Variants in FYN observed in about 807,000 individuals in gnomAD.
FYN encodes tyrosine-protein kinase Fyn.
A neutral mutation model predicts 70.2 loss-of-function variants in FYN; 10 were observed. That is an observed-to-expected ratio of 0.14 (90% CI 0.09 to 0.24). FYN has a LOEUF of 0.24. FYN is among the 10% of genes least tolerant of loss of function. FYN has a pLI of 1.00. For synonymous variants in FYN, 236 were observed against 248.6 expected (o/e 0.95, Z 0.48); for missense variants, 319 against 673.1 (o/e 0.47, Z 5.82).
chr6:111,722,178 T>C (rs1192865531), intron 3 of FYN, among the ~76,000 whole-genome samples: 1 of 152,198 alleles, frequency 6.6e-6, no homozygotes, highest in African/African-American at 2.4e-5. Context: ...AAATACTTAT[T>C]GAATTGAATG....
At chr6:111,720,514 T>C (rs1800881536) in intron 3 of FYN, among the ~76,000 whole-genome samples, 1 of 152,182 alleles carries the variant, frequency 6.6e-6, no homozygotes, top group African/African-American at 2.4e-5. Flanking sequence ...ACAGGAGTGT[T>C]GGATAAGCCA....
At chr6:111,678,370 T>A (rs1562465750) in intron 12 of FYN, among the ~76,000 whole-genome samples, 2 of 152,184 alleles carry the variant, frequency 1.3e-5, no homozygotes, top group Non-Finnish European at 2.9e-5. Context: ...ATAAGACCAG[T>A]TAGCCTTAGG....
At chr6:111,702,466 G>A (rs967476794) in intron 8 of FYN, 2 of 155,970 alleles carry the variant, frequency 1.3e-5, no homozygotes, top group African/African-American at 4.8e-5. Flanking sequence ...TGTACGTGCA[G>A]CTATTCCTGC....
chr6:111,662,455 AAAAC>A (rs1168150232), intron 13 of FYN, among the ~76,000 whole-genome samples: 1 of 152,202 alleles, frequency 6.6e-6, no homozygotes, highest in Non-Finnish European at 1.5e-5. Flanking sequence ...AAAAACGTAC[AAAAC>A]AAACACAGGT....
chr6:111,667,401 C>G (rs1444620423), intron 13 of FYN, among the ~76,000 whole-genome samples: 1 of 152,020 alleles, frequency 6.6e-6, no homozygotes, highest in Non-Finnish European at 1.5e-5. Flanking sequence ...ACCACCATGC[C>G]TGGCTGATTT....
chr6:111,784,503 T>C (rs1333573708), intron 2 of FYN, among the ~76,000 whole-genome samples: 3 of 152,192 alleles, frequency 2.0e-5, no homozygotes, highest in Admixed American at 2.0e-4. Flanking sequence ...TTTGCACATT[T>C]CCAACAGCTT....
chr6:111,730,877 T>C (rs1801417408), intron 3 of FYN, among the ~76,000 whole-genome samples: 1 of 152,156 alleles, frequency 6.6e-6, no homozygotes, highest in Admixed American at 6.5e-5. Context: ...AAACGTGGGC[T>C]TCTATTCATG....
At chr6:111,827,234 A>G (rs1032706170) in intron 2 of FYN, among the ~76,000 whole-genome samples, 1 of 152,356 alleles carries the variant, frequency 6.6e-6, no homozygotes, top group East Asian at 1.9e-4. Flanking sequence ...CAGAGAGCTT[A>G]TGAAATTCTC....
chr6:111,734,285 G>C (rs1801604422), intron 3 of FYN, among the ~76,000 whole-genome samples: 1 of 152,152 alleles, frequency 6.6e-6, no homozygotes, highest in African/African-American at 2.4e-5. Context: ...GGAATGACCT[G>C]ACCAAGTGCT....
intron 13 of FYN, among the ~76,000 whole-genome samples, chr6:111,664,198 T>C (rs1797894476): frequency 6.6e-6 from 1 of 152,212 alleles, no homozygotes; most frequent in African/African-American, 2.4e-5. Flanking sequence ...ATTTCAGCAA[T>C]GACAGAGCTT....
intron 2 of FYN, among the ~76,000 whole-genome samples, chr6:111,841,578 C>G (rs571021144): frequency 9.2e-5 from 14 of 152,300 alleles, no homozygotes; most frequent in African/African-American, 3.4e-4. Flanking sequence ...AATAAGATAA[C>G]ATGTGGCCTA....
chr6:111,761,969 G>A (rs888587289), intron 3 of FYN, among the ~76,000 whole-genome samples: 1 of 152,182 alleles, frequency 6.6e-6, no homozygotes, highest in African/African-American at 2.4e-5. Context: ...TTACATCATG[G>A]AGGAGTGTGG....
intron 2 of FYN, among the ~76,000 whole-genome samples, chr6:111,839,983 C>A (rs1196916426): frequency 2.0e-5 from 3 of 152,216 alleles, no homozygotes; most frequent in Non-Finnish European, 2.9e-5. Context: ...CATAATTCCT[C>A]TTCTTTACAT....
intron 2 of FYN, among the ~76,000 whole-genome samples, chr6:111,796,730 T>C (rs1224655148): frequency 6.6e-6 from 1 of 152,198 alleles, no homozygotes; most frequent in African/African-American, 2.4e-5. Flanking sequence ...TAAGAAACCT[T>C]AATGATGTAA....
intron 12 of FYN, among the ~76,000 whole-genome samples, chr6:111,690,726 T>C (rs192814914): frequency 1.3e-5 from 2 of 152,346 alleles, no homozygotes; most frequent in African/African-American, 2.4e-5. Flanking sequence ...CAAAAATGCA[T>C]ACAGCAGACA....
At chr6:111,717,199 C>CAA (rs1293648766) in intron 4 of FYN, among the ~76,000 whole-genome samples, 1 of 151,774 alleles carries the variant, frequency 6.6e-6, no homozygotes, top group Non-Finnish European at 1.5e-5. Flanking sequence ...TGTTAAACGT[C>CAA]AAAAGACATT....
intron 1 of FYN, 41 bp downstream of exon 1, chr6:111,872,927 T>A (rs1054547815): frequency 6.7e-6 from 1 of 148,888 alleles, no homozygotes; most frequent in African/African-American, 2.5e-5. Context: ...CTCCGCAGCA[T>A]CCCCGAGGCC....
chr6:111,824,931 G>C (rs1772784845), intron 2 of FYN, among the ~76,000 whole-genome samples: 1 of 152,164 alleles, frequency 6.6e-6, no homozygotes, highest in South Asian at 2.1e-4. Context: ...GGTGATTAAG[G>C]AATTGTTTAA....
chr6:111,728,549 T>C (rs1238238273), intron 3 of FYN, among the ~76,000 whole-genome samples: 1 of 152,208 alleles, frequency 6.6e-6, no homozygotes, highest in African/African-American at 2.4e-5. Flanking sequence ...CTAATTTCTG[T>C]CTCTATGGAT....
Sources: gnomAD v4.1 joint callset for allele counts (sites outside exome capture counted in the v4.1 genomes callset) on GRCh38, gnomAD v4.1.1 for gene constraint, MANE v1.5 for transcripts, NCBI Gene and HGNC (gene_info 2026-07-23, HGNC 2026-07-21) for gene names.